The following HECTD3 variants were observed in gnomAD, a reference collection of about 807,000 sequenced individuals.
The protein encoded by HECTD3 is HECT domain E3 ubiquitin protein ligase 3.
A neutral mutation model predicts 109.3 loss-of-function variants in HECTD3; 72 were observed. That is an observed-to-expected ratio of 0.66 (90% CI 0.54 to 0.80). HECTD3 has a LOEUF of 0.80. Ranked by LOEUF, HECTD3 falls within the 30% of genes least tolerant of loss-of-function variation. HECTD3 has a pLI of 0.00. For missense variants in HECTD3, 1,041 were observed against 1,165.2 expected (o/e 0.89, Z 1.55); for synonymous variants, 481 against 471.8 (o/e 1.02, Z -0.25).
rs911798584 is a variant in HECTD3, at chr1:45,004,505, G to A, written c.2142+95C>T. ...AGGAATGGTGGGGGCCAGAGTTCTT[G>A]GAGTACTGGTGGCTTACAGGCTGTG... On this transcript the variant is annotated intron_variant, in intron 16 of 20. Transcript: ENST00000372172. 6 of 1,589,344 alleles carry A rather than the reference G, an allele frequency of 3.8e-6. No individual in the cohort carries two copies. The East Asian group carries it at 1.1e-4, about 30-fold the overall frequency.
intron 7 of HECTD3, 53 bp downstream of exon 7, chr1:45,009,091 G>T: frequency 7.4e-7 from 1 of 1,356,338 alleles, no homozygotes; most frequent in Non-Finnish European, 1.1e-6. Context: ...CTCTCTGTTT[G>T]CCCCCATCTC....
In HECTD3 at chr1:45,010,822, G is replaced by T; in HGVS notation, c.369+67C>A. The T allele has an allele frequency of 8.6e-6, 13 of 1,504,730 alleles. No homozygotes were observed. In the South Asian group the frequency reaches 1.7e-4, roughly 20 times the overall value. The allele number at this position is 1,504,730 out of a possible 1,614,324, so 93.2% of individuals were successfully genotyped here. A position where few individuals can be genotyped will look rare whatever the true frequency, so the allele number is the denominator to read the frequency against. ...GCCAACTCAATACAGGGGAGAAAAG[G>T]CAAACAGCCAGAGGTTTCTCTGGCC... On this transcript the variant is annotated intron_variant, in intron 1 of 20. Transcript: ENST00000372172.
Position 45,007,251 on chromosome 1 carries a change from G to A in HECTD3, c.1524C>T (p.Pro508=), listed in dbSNP as rs370514962. The change falls in exon 11 of 21, where the codon CCC becomes CCT. Residue 508 remains proline (P), a synonymous_variant. Transcript: ENST00000372172. The part of the protein sequence containing the change: ...VFTQVYEGLK[P]SDKYEKPLDY... The stretch of plus-strand genomic sequence containing the variant: ...CCAGGGGCTTTTCATATTTGTCAGA[G>A]GGCTTGAGGCCTTCATATACCTGGA... The A allele has an allele frequency of 1.1e-4, 178 of 1,613,406 alleles. No homozygotes were observed. Among genetic ancestry groups the A allele is most frequent in the Admixed American group, 3.7e-4 (22 of 59,912 alleles).
chr1:45,010,303 C>T lies in HECTD3; in HGVS notation c.531-10G>A, dbSNP rs747421500. ...CACCACCTGTTCCCACCTGTGGGCACAGAGTAGGGAGTGGGATGGGGAGAC... is the reference window on the plus strand; with the variant it reads ...CACCACCTGTTCCCACCTGTGGGCATAGAGTAGGGAGTGGGATGGGGAGAC... On this transcript the variant is annotated splice_polypyrimidine_tract_variant and intron_variant, in intron 2 of 20. Coordinates refer to ENST00000372172, the MANE Select transcript of HECTD3 (RefSeq NM_024602.6). 1 of 1,613,188 alleles carries T rather than the reference C, an allele frequency of 6.2e-7. No homozygotes were observed.
rs1409035205 is a variant in HECTD3, at chr1:45,009,482, C to T, written c.876G>A (p.Lys292=). ...RLTMKKGTIV[K]KLLLTVDTTD... is the part of the protein sequence containing the mutation. ...TGGTATCCACTGTGAGTAGCAGCTT[C>T]CTGAAGGGTCAGAGTGTGAATATGA... is the stretch of plus-strand genomic sequence containing the variant. The change falls in exon 6 of 21, where the codon AAG becomes AAA. Residue 292 remains lysine (K), a splice_region_variant and synonymous_variant. Transcript: ENST00000372172. The T allele has an allele frequency of 2.5e-6, 4 of 1,613,114 alleles. No individual in the cohort carries two copies. Among genetic ancestry groups the T allele is most frequent in the African/African-American group, 1.3e-5 (1 of 74,896 alleles).
intron 15 of HECTD3, chr1:45,005,137 T>C (rs1644722964): frequency 2.3e-6 from 1 of 427,044 alleles, no homozygotes; most frequent in East Asian, 5.1e-5. Flanking sequence ...GGAGCCTGAA[T>C]GTGAACCAAG....
intron 1 of HECTD3, 25 bp from the exon 2 acceptor site, chr1:45,010,731 C>T: frequency 6.5e-7 from 1 of 1,528,956 alleles, no homozygotes; most frequent in East Asian, 2.4e-5. Flanking sequence ...AGGATGGGGA[C>T]AGCCGTCAGG....
intron 11 of HECTD3, 51 bp downstream of exon 11, chr1:45,007,168 T>C: frequency 1.4e-6 from 2 of 1,479,882 alleles, no homozygotes; most frequent in Non-Finnish European, 9.3e-7. Flanking sequence ...TTGTGTGTGT[T>C]TGTGTGCACA....
intron 16 of HECTD3, 98 bp from the exon 17 acceptor site, chr1:45,004,475 C>A: frequency 6.3e-7 from 1 of 1,599,580 alleles, no homozygotes; most frequent in Non-Finnish European, 8.6e-7. Context: ...AGAAAGGTGG[C>A]ACTGAGGAAT....
rs2148977024 is a variant in HECTD3 at position 45,006,446 on chromosome 1, C to T, written c.1725+246G>A. 6.6e-6 allele frequency among the ~76,000 whole-genome samples: 1 copy of T among 152,236 alleles called. No homozygotes were observed. Among genetic ancestry groups the T allele is most frequent in the East Asian group, 1.9e-4 (1 of 5,166 alleles). On this transcript the variant is annotated intron_variant, in intron 13 of 20. Coordinates refer to ENST00000372172, the MANE Select transcript of HECTD3 (RefSeq NM_024602.6). The surrounding 1 kb of genome is among the most constrained non-coding windows in gnomAD (Gnocchi z 4.7). ...TCAGCCTCCCATGTAGCTGGGACTACAGGCGCGTGCCACCACGCCCGGCTA... is the reference window on the plus strand; with the variant it reads ...TCAGCCTCCCATGTAGCTGGGACTATAGGCGCGTGCCACCACGCCCGGCTA...
intron 8 of HECTD3, 50 bp from the exon 9 acceptor site, chr1:45,008,371 A>G: frequency 6.5e-7 from 1 of 1,536,178 alleles, no homozygotes; most frequent in Non-Finnish European, 9.0e-7. Flanking sequence ...TACCTGTAAC[A>G]CCCCCAACTC....
Position 45,010,036 on chromosome 1 carries a change from G to C in HECTD3, c.709C>G (p.Leu237Val). The change falls in exon 4 of 21, where the codon CTG becomes GTG. Residue 237 changes from leucine to valine, a missense_variant. Transcript: ENST00000372172. ...YDHLGKEDEN[L>V]GSVKQYVESI... is the part of the protein sequence containing the mutation. ...TCCACATACTGCTTCACGCTACCCA[G>C]GTTCTCATCCTCCTTGCCCAGGTGG... 1.9e-6 allele frequency: 3 copies of C among 1,562,044 alleles called. No homozygotes were observed. Among genetic ancestry groups the C allele is most frequent in the Non-Finnish European group, 2.6e-6 (3 of 1,150,216 alleles).
At position 45,005,841 on chromosome 1, in the gene HECTD3, C is replaced by T. The variant is rs1644730730; in HGVS notation, c.1888G>A (p.Glu630Lys). The change falls in exon 15 of 21, where the codon GAG becomes AAG. Residue 630 changes from glutamate to lysine, a missense_variant. Coordinates refer to ENST00000372172, the MANE Select transcript of HECTD3 (RefSeq NM_024602.6). Reference protein sequence around the residue: ...PGFVWKQLSGEEVSWSKDFPA... With the variant: ...PGFVWKQLSGKEVSWSKDFPA... ...AAGTCCTTGCTCCAGCTCACCTCCT[C>T]ACCAGAAAGCTGCTTCCACACAAAA... is the stretch of plus-strand genomic sequence containing the variant. The T allele has an allele frequency of 6.2e-7, 1 of 1,609,150 alleles. No homozygotes were observed. The highest frequency in any genetic ancestry group is 8.5e-7 in the Non-Finnish European group (1 of 1,177,296).
Position 45,011,112 on chromosome 1 carries a change from T to C in HECTD3, c.146A>G (p.Tyr49Cys). ...TCCCGCTGGGTCCTTGTAAAGCTTG[T>C]AGAGCACCTCTCGCGGCACGAAAGC... is the stretch of plus-strand genomic sequence containing the variant. ...ALAFVPREVL[Y>C]KLYKDPAGPS... is the part of the protein sequence containing the mutation. Residue 49 changes from tyrosine to cysteine, a missense_variant, in exon 1 of 21, where the codon TAC becomes TGC. Transcript: ENST00000372172. 6.6e-7 allele frequency: 1 copy of C among 1,513,306 alleles called. No individual in the cohort carries two copies. Among genetic ancestry groups the C allele is most frequent in the Non-Finnish European group, 8.8e-7 (1 of 1,138,548 alleles). 93.7% of individuals were successfully genotyped at this position (1,513,306 alleles called of 1,614,324 possible).
chr1:45,007,493 A>G lies in HECTD3; in HGVS notation c.1423T>C (p.Tyr475His), dbSNP rs1259727236. Reference protein sequence around the residue: ...SSKPSFMPRLYINRRLAMEHR... With the variant: ...SSKPSFMPRLHINRRLAMEHR... ...TCCATGGCAAGACGGCGGTTGATGT[A>G]TAGGCGTGGCATGAAGCTGGGCTTG... The change falls in exon 10 of 21, where the codon TAC becomes CAC. Residue 475 changes from tyrosine to histidine, a missense_variant. Coordinates refer to ENST00000372172, the MANE Select transcript of HECTD3 (RefSeq NM_024602.6). 5.6e-6 allele frequency: 9 copies of G among 1,613,992 alleles called. No homozygotes were observed. The African/African-American group carries it at 1.1e-4, about 19-fold the overall frequency.
chr1:45,005,106 G>T, intron 15 of HECTD3: 1 of 479,980 alleles, frequency 2.1e-6, no homozygotes, highest in South Asian at 2.1e-5. Flanking sequence ...AGAGCAAAAG[G>T]CCTAAGGAAA....
In HECTD3 at chr1:45,008,237, C is replaced by T. The variant is rs769231957; in HGVS notation, c.1320+3G>A. On this transcript the variant is annotated splice_donor_region_variant and intron_variant, in intron 9 of 20. Coordinates refer to ENST00000372172, the MANE Select transcript of HECTD3 (RefSeq NM_024602.6). ...AAGACCAGCACTGGCTGGGTCGGCTCACCTTAATCTCACTGAAGGTGCCCA... is the reference window on the plus strand; with the variant it reads ...AAGACCAGCACTGGCTGGGTCGGCTTACCTTAATCTCACTGAAGGTGCCCA... 212 of 1,612,774 alleles carry T rather than the reference C, an allele frequency of 1.3e-4. No homozygotes were observed. The highest frequency in any genetic ancestry group is 1.8e-4 in the Non-Finnish European group (210 of 1,178,996).
chr1:45,003,607 A>C lies in HECTD3; in HGVS notation c.2502-31T>G. ...GGAATGGGGACTTGGTCAGGTCCCT[A>C]CATCGCTACCAGGGGTGATGGGGTC... On this transcript the variant is annotated intron_variant, in intron 20 of 20. Coordinates refer to ENST00000372172, the MANE Select transcript of HECTD3 (RefSeq NM_024602.6). This position sits in a 1 kb window ranked among gnomAD's most constrained non-coding sequence, Gnocchi z 4.7. The C allele has an allele frequency of 6.2e-7, 1 of 1,613,688 alleles. No individual in the cohort carries two copies. Among genetic ancestry groups the C allele is most frequent in the Non-Finnish European group, 8.5e-7 (1 of 1,179,574 alleles).
Position 45,003,430 on chromosome 1 carries a change from G to C in HECTD3, c.*62C>G. 1 of 1,475,266 alleles carries C rather than the reference G, an allele frequency of 6.8e-7. No individual in the cohort carries two copies. The highest frequency in any genetic ancestry group is 1.1e-5 in the South Asian group (1 of 88,098). 91.4% of individuals were successfully genotyped at this position (1,475,266 alleles called of 1,614,324 possible). ...AAACCAGGGCAGGGAAGGTGTCTTC[G>C]CCCTGGGCAAGGCCAAGAGGGACAC... On this transcript the variant is annotated 3_prime_UTR_variant, in exon 21 of 21. Coordinates refer to ENST00000372172, the MANE Select transcript of HECTD3 (RefSeq NM_024602.6). This position sits in a 1 kb window ranked among gnomAD's most constrained non-coding sequence, Gnocchi z 4.7.
Sources: allele counts gnomAD v4.1 joint callset (sites outside exome capture counted in the v4.1 genomes callset), GRCh38; gene constraint gnomAD v4.1.1; non-coding constraint Gnocchi (gnomAD v3.1); transcripts MANE v1.5; gene names NCBI Gene and HGNC (gene_info 2026-07-23, HGNC 2026-07-21).